ADGRG2: variants seen among roughly 807,000 people sequenced by gnomAD.
The protein encoded by ADGRG2 is adhesion G protein-coupled receptor G2.
In ADGRG2, 26 loss-of-function variants were observed where a neutral mutation model predicts 74.1. The ratio of observed to expected loss-of-function variants is 0.35; its 90% CI spans 0.26 to 0.49. ADGRG2 has a LOEUF of 0.49. ADGRG2 is among the 20% of genes least tolerant of loss of function. The pLI is 0.99. For missense variants in ADGRG2, 619 were observed against 763.1 expected (o/e 0.81, Z 2.22); for synonymous variants, 296 against 295.2 (o/e 1.00, Z -0.03).
intron 1 of ADGRG2, among the ~76,000 whole-genome samples, chrX:19,116,233 G>A (rs992263659): frequency 3.7e-5 from 4 of 109,192 alleles, no homozygotes; most frequent in African/African-American, 1.0e-4. Context: ...AAAAAAGTCC[G>A]GGCGCAGTGG....
intron 1 of ADGRG2, among the ~76,000 whole-genome samples, chrX:19,094,945 G>A (rs886751896): frequency 1.8e-5 from 2 of 112,049 alleles, no homozygotes; most frequent in African/African-American, 3.2e-5. Flanking sequence ...TCTCTGACCC[G>A]CCCAGGGCTG....
chrX:19,117,077 G>A lies in ADGRG2; in HGVS notation c.-47+5365C>T, dbSNP rs747648551. 1.9e-3 allele frequency among the ~76,000 whole-genome samples: 207 copies of A among 110,890 alleles called. 1 individual carries two copies. Among genetic ancestry groups the A allele is most frequent in the African/African-American group, 6.5e-3 (197 of 30,511 alleles). On this transcript the variant is annotated intron_variant, in intron 1 of 28. Transcript: ENST00000379869. ...GAGACCGAGGCGGGTGGATCATGAG[G>A]TCAGGAGTTCAAGACCAACCTGGCC...
At chrX:19,072,636 C>T (rs376545565) in intron 2 of ADGRG2, among the ~76,000 whole-genome samples, 211 of 111,360 alleles carry the variant, frequency 1.9e-3, no homozygotes, top group African/African-American at 6.3e-3. Flanking sequence ...CAGGCAGGAT[C>T]TACTCAACTT....
At chrX:19,090,957 G>A (rs1030446504) in intron 1 of ADGRG2, among the ~76,000 whole-genome samples, 8 of 111,520 alleles carry the variant, frequency 7.2e-5, no homozygotes, top group African/African-American at 2.6e-4. Flanking sequence ...TCTGACCTAA[G>A]GGACTGGGGA....
chrX:19,101,101 TTGTGTGTGTGTGTGTGTGTGTG>T (rs10579733), intron 1 of ADGRG2, among the ~76,000 whole-genome samples: 1 of 89,823 alleles, frequency 1.1e-5, no homozygotes, highest in African/African-American at 4.1e-5. Context: ...AATCATGAGA[TTGTGTGTGTGTGTGTGTGTGTG>T]TGTGTGTGTG....
chrX:19,025,114 G>A (rs923910738), intron 11 of ADGRG2, among the ~76,000 whole-genome samples: 1 of 111,709 alleles, frequency 9.0e-6, no homozygotes, highest in Non-Finnish European at 1.9e-5. Context: ...CTATCCCTCC[G>A]CTGCAGTCCG....
chrX:19,007,444 G>C, intron 19 of ADGRG2, 87 bp from the exon 20 acceptor site: 1 of 897,677 alleles, frequency 1.1e-6, no homozygotes, highest in Non-Finnish European at 1.6e-6. Flanking sequence ...AGTCCACATT[G>C]TTTATCTTAC....
chrX:19,060,518 C>G (rs1041856318), intron 3 of ADGRG2, among the ~76,000 whole-genome samples: 7 of 105,192 alleles, frequency 6.7e-5, no homozygotes, highest in Admixed American at 2.1e-4. Context: ...ATGTCAGAAT[C>G]TCTGGGGGTA....
chrX:19,100,740 T>C (rs2062173504), intron 1 of ADGRG2, among the ~76,000 whole-genome samples: 2 of 113,201 alleles, frequency 1.8e-5, no homozygotes, highest in Non-Finnish European at 3.7e-5. Flanking sequence ...GTTATAAACA[T>C]ATGTGAAAAG....
At chrX:19,095,922 G>A (rs1185348060) in intron 1 of ADGRG2, among the ~76,000 whole-genome samples, 3 of 111,542 alleles carry the variant, frequency 2.7e-5, no homozygotes, top group Non-Finnish European at 5.6e-5. Flanking sequence ...GGGAGGCTGA[G>A]ATGGGAGGAT....
intron 3 of ADGRG2, among the ~76,000 whole-genome samples, chrX:19,055,481 C>A (rs1272518888): frequency 1.8e-5 from 2 of 111,721 alleles, no homozygotes; most frequent in Non-Finnish European, 3.8e-5. Context: ...GAATTTAGTA[C>A]CCCAGTCAAG....
At chrX:19,035,594 C>T (rs988589038) in intron 7 of ADGRG2, 11 of 133,159 alleles carry the variant, frequency 8.3e-5, no homozygotes, top group Non-Finnish European at 1.6e-4. Flanking sequence ...AAATTGTTAA[C>T]AGTCATAGTC....
chrX:18,999,396 GA>G lies in ADGRG2; in HGVS notation c.2331-118del, dbSNP rs200996698. The G allele has an allele frequency of 1.6e-3, 978 of 601,412 alleles. 6 individuals are homozygous for G. The African/African-American group carries it at 0.02, about 13-fold the overall frequency. 49.6% of individuals were successfully genotyped at this position (601,412 alleles called of 1,213,427 possible). On this transcript the variant is annotated intron_variant, in intron 25 of 28. Transcript: ENST00000379869. ...TGAAACATTTTCTACCAGTACAAGAGAAAAAAAATGATAAAACTGCTATTCT... is the reference window on the plus strand; with the variant it reads ...TGAAACATTTTCTACCAGTACAAGAGAAAAAAATGATAAAACTGCTATTCT...
At chrX:19,040,166 A>G (rs2061027624) in intron 4 of ADGRG2, 23 bp downstream of exon 4, 14 of 1,060,677 alleles carry the variant, frequency 1.3e-5, no homozygotes, top group Non-Finnish European at 1.7e-5. Flanking sequence ...GAAATTCCCC[A>G]GAGTTCTAAA....
intron 23 of ADGRG2, among the ~76,000 whole-genome samples, chrX:19,003,367 G>A (rs1046466943): frequency 1.8e-5 from 2 of 110,765 alleles, no homozygotes; most frequent in Admixed American, 1.9e-4. Flanking sequence ...TGTTGCCTAG[G>A]CTGGCCTCAA....
chrX:19,025,869 C>A (rs1164774568), intron 11 of ADGRG2, among the ~76,000 whole-genome samples: 1 of 109,809 alleles, frequency 9.1e-6, no homozygotes, highest in Non-Finnish European at 1.9e-5. Context: ...GTATTCCAGC[C>A]TGGGCAACAA....
chrX:19,057,503 G>A (rs766996582), intron 3 of ADGRG2, among the ~76,000 whole-genome samples: 3 of 111,682 alleles, frequency 2.7e-5, no homozygotes, highest in South Asian at 3.7e-4. Flanking sequence ...TTCAAAAATC[G>A]CTTATTTATC....
At chrX:19,023,322 C>T (rs955824804) in intron 13 of ADGRG2, 94 bp downstream of exon 13, 16 of 473,665 alleles carry the variant, frequency 3.4e-5, no homozygotes, top group African/African-American at 5.0e-5. Context: ...TTTAGAGGAC[C>T]CCCTTTGCAT....
intron 2 of ADGRG2, among the ~76,000 whole-genome samples, chrX:19,069,726 C>G (rs2061622834): frequency 9.0e-6 from 1 of 111,046 alleles, no homozygotes; most frequent in Non-Finnish European, 1.9e-5. Flanking sequence ...CCGCAGATGG[C>G]CGAACTCCAG....
Sources: gnomAD v4.1 joint callset for allele counts (sites outside exome capture counted in the v4.1 genomes callset) on GRCh38, gnomAD v4.1.1 for gene constraint, MANE v1.5 for transcripts, NCBI Gene and HGNC (gene_info 2026-07-23, HGNC 2026-07-21) for gene names.